Variants in TBC1D14 observed in about 807,000 individuals in gnomAD.
The protein encoded by TBC1D14 is TBC1 domain family, member 14.
TBC1D14 carries 26 observed loss-of-function variants against 79.0 expected under a neutral mutation model. The ratio of observed to expected loss-of-function variants is 0.33; its 90% CI spans 0.24 to 0.46. The LOEUF is 0.46. TBC1D14 is among the 20% of genes least tolerant of loss of function. The pLI, the probability that TBC1D14 is intolerant of heterozygous loss-of-function variation, is 1.00. For missense variants in TBC1D14, 769 were observed against 887.6 expected, an observed-to-expected ratio of 0.87 and a Z score of 1.70; for synonymous variants, 394 against 349.9, an observed-to-expected ratio of 1.13 and a Z score of -1.40.
chr4:6,971,317 C>T (rs1050024637), intron 3 of TBC1D14, among the ~76,000 whole-genome samples: 3 of 152,216 alleles, frequency 2.0e-5, no homozygotes, highest in Non-Finnish European at 4.4e-5. Flanking sequence ...CACAGTGAGT[C>T]GCCCGGCGTT....
chr4:7,019,078 A>G (rs1399171066), intron 12 of TBC1D14, among the ~76,000 whole-genome samples: 1 of 152,072 alleles, frequency 6.6e-6, no homozygotes, highest in African/African-American at 2.4e-5. Flanking sequence ...GCTTGAGTGC[A>G]GTGGTGGATC....
At chr4:7,017,266 C>G (rs1721379495) in intron 12 of TBC1D14, among the ~76,000 whole-genome samples, 1 of 152,200 alleles carries the variant, frequency 6.6e-6, no homozygotes, top group East Asian at 1.9e-4. Context: ...CACCACTGCA[C>G]TCTAGCCTGG....
intron 1 of TBC1D14, among the ~76,000 whole-genome samples, chr4:6,921,100 A>T (rs142911132): frequency 0.011 from 1,666 of 152,264 alleles, 14 homozygotes; most frequent in Middle Eastern, 0.037. Context: ...AAAATAAAAG[A>T]TAGCAGTTGA....
intron 2 of TBC1D14, among the ~76,000 whole-genome samples, chr4:6,956,923 G>A (rs1355724546): frequency 6.6e-6 from 1 of 152,262 alleles, no homozygotes; most frequent in East Asian, 1.9e-4. Context: ...TGGACAGCCA[G>A]TAAGCTGCTT....
chr4:6,947,193 C>T (rs1012531953), intron 2 of TBC1D14, among the ~76,000 whole-genome samples: 1 of 151,900 alleles, frequency 6.6e-6, no homozygotes, highest in African/African-American at 2.4e-5. Context: ...AGACCCCTGT[C>T]GCTACTAAAA....
Position 7,032,120 on chromosome 4 carries a change from TGACTCA to T in TBC1D14, c.*1729_*1734del, listed in dbSNP as rs1723113747. 6.6e-6 allele frequency: 1 copy of T among 152,556 alleles called. No individual in the cohort carries two copies. Among genetic ancestry groups the T allele is most frequent in the Non-Finnish European group, 1.5e-5 (1 of 68,044 alleles). 9.5% of individuals were successfully genotyped at this position (152,556 alleles called of 1,614,324 possible). ...ACTTTCTGCCTCGGCCTTTAAATGCTGACTCACCTCCTCTCGGAGGAGGCGTCCTGT... is the reference window on the plus strand; with the variant it reads ...ACTTTCTGCCTCGGCCTTTAAATGCTCCTCCTCTCGGAGGAGGCGTCCTGT... On this transcript the variant is annotated 3_prime_UTR_variant, in exon 14 of 14. Transcript: ENST00000409757.
Position 7,029,455 on chromosome 4 carries a change from C to T in TBC1D14, c.2017-872C>T, listed in dbSNP as rs73073909. On this transcript the variant is annotated intron_variant, in intron 13 of 13. Coordinates refer to ENST00000409757, the MANE Select transcript of TBC1D14 (RefSeq NM_020773.3). ...GCGTGGGCTAAGCGGGTGCTGGGCG[C>T]GAAGCGCTGGCAGAGTTCTCTGCTT... 2.1e-3 allele frequency among the ~76,000 whole-genome samples: 313 copies of T among 152,352 alleles called. 1 individual carries two copies. Among genetic ancestry groups the T allele is most frequent in the African/African-American group, 7.2e-3 (300 of 41,582 alleles).
chr4:7,008,813 C>T (rs1166156105), intron 9 of TBC1D14, among the ~76,000 whole-genome samples: 3 of 152,324 alleles, frequency 2.0e-5, no homozygotes, highest in East Asian at 1.9e-4. Context: ...AAGTTAAACA[C>T]ATTTAGCTTT....
intron 9 of TBC1D14, among the ~76,000 whole-genome samples, chr4:7,008,777 G>A (rs4689572): frequency 0.43 from 64,913 of 152,116 alleles, 14,589 homozygotes; most frequent in East Asian, 0.6. Context: ...TGGAAGGATC[G>A]AAATTACAAC....
intron 13 of TBC1D14, among the ~76,000 whole-genome samples, chr4:7,027,730 C>T (rs1237467150): frequency 2.4e-5 from 3 of 126,880 alleles, no homozygotes; most frequent in Admixed American, 1.6e-4. Flanking sequence ...CAATCACCCC[C>T]CACACATCAC....
chr4:6,916,727 G>C (rs985486071), intron 1 of TBC1D14, among the ~76,000 whole-genome samples: 2 of 152,202 alleles, frequency 1.3e-5, no homozygotes, highest in Admixed American at 6.5e-5. Context: ...TGGCCTTGTT[G>C]CATGGAATGG....
At chr4:7,019,994 G>C (rs111326470) in intron 12 of TBC1D14, among the ~76,000 whole-genome samples, 1 of 132,432 alleles carries the variant, frequency 7.6e-6, no homozygotes, top group Non-Finnish European at 1.7e-5. Flanking sequence ...AGGACTCTGG[G>C]GCACAGAGGT....
At chr4:6,969,876 G>A (rs1005133922) in intron 3 of TBC1D14, among the ~76,000 whole-genome samples, 4 of 152,090 alleles carry the variant, frequency 2.6e-5, no homozygotes, top group African/African-American at 4.8e-5. Context: ...ACTTACCTGC[G>A]CGAGTCATTC....
In TBC1D14 at chr4:6,959,954, C is replaced by G. The variant is rs372410281; in HGVS notation, c.723-7350C>G. Reference sequence around the variant, plus strand: ...ATTTCATTTTCTAATGGCAGAAATGCCTAGTTTTGCAGTGGCTTTTAAATT... The same window carrying G: ...ATTTCATTTTCTAATGGCAGAAATGGCTAGTTTTGCAGTGGCTTTTAAATT... On this transcript the variant is annotated intron_variant, in intron 2 of 13. Coordinates refer to ENST00000409757, the MANE Select transcript of TBC1D14 (RefSeq NM_020773.3). Among the ~76,000 whole-genome samples, 91 of 152,170 alleles carry G rather than the reference C, an allele frequency of 6.0e-4. 2 individuals are homozygous for G. In the South Asian group the frequency reaches 0.018, roughly 29 times the overall value.
At chr4:6,940,679 G>A (rs1344225853) in intron 2 of TBC1D14, among the ~76,000 whole-genome samples, 1 of 152,182 alleles carries the variant, frequency 6.6e-6, no homozygotes, top group Admixed American at 6.5e-5. Context: ...CTTCCAGTGA[G>A]GGGACAAAGA....
chr4:6,994,466 A>G (rs1718807139), intron 4 of TBC1D14, among the ~76,000 whole-genome samples, 164 bp downstream of exon 4: 1 of 152,234 alleles, frequency 6.6e-6, no homozygotes, highest in African/African-American at 2.4e-5. Context: ...ATTATATTAA[A>G]TGACCAATTT....
At chr4:6,953,006 T>C (rs1237610858) in intron 2 of TBC1D14, among the ~76,000 whole-genome samples, 1 of 144,424 alleles carries the variant, frequency 6.9e-6, no homozygotes, top group Admixed American at 7.2e-5. Flanking sequence ...CACGCCTAGC[T>C]AACTATTTTT....
chr4:6,951,172 A>G (rs762298381), intron 2 of TBC1D14, among the ~76,000 whole-genome samples: 1 of 152,100 alleles, frequency 6.6e-6, no homozygotes, highest in Non-Finnish European at 1.5e-5. Flanking sequence ...GGCACCTATA[A>G]TCCCAGCTAC....
At chr4:7,010,056 C>T (rs1029599598) in intron 10 of TBC1D14, 108 bp downstream of exon 10, 14 of 1,263,208 alleles carry the variant, frequency 1.1e-5, no homozygotes, top group East Asian at 7.0e-5. Flanking sequence ...TCGTTTTTGC[C>T]GAGGAGTATG....
Sources: gnomAD v4.1 joint callset for allele counts (sites outside exome capture counted in the v4.1 genomes callset) on GRCh38, gnomAD v4.1.1 for gene constraint, MANE v1.5 for transcripts, NCBI Gene and HGNC (gene_info 2026-07-23, HGNC 2026-07-21) for gene names.